Variants in FAM227B observed in about 807,000 individuals in gnomAD.
The protein encoded by FAM227B is family with sequence similarity 227 member B.
FAM227B carries 88 observed loss-of-function variants against 73.8 expected under a neutral mutation model. The ratio of observed to expected loss-of-function variants is 1.19; its 90% CI spans 1.00 to 1.42. The LOEUF is 1.42. FAM227B is among the 40% of genes most tolerant of loss of function. FAM227B has a pLI of 0.00. For missense variants in FAM227B, 632 were observed against 590.9 expected (o/e 1.07, Z -0.72); for synonymous variants, 210 against 190.5 (o/e 1.10, Z -0.84).
intron 11 of FAM227B, chr15:49,487,871 G>C (rs2056534528): frequency 6.6e-6 from 1 of 151,900 alleles, no homozygotes; most frequent in African/African-American, 2.4e-5. Context: ...ATGACTTGCA[G>C]GGCTTATCAT....
At chr15:49,586,853 T>C (rs942074007) in intron 5 of FAM227B, among the ~76,000 whole-genome samples, 2 of 152,084 alleles carry the variant, frequency 1.3e-5, no homozygotes, top group Non-Finnish European at 2.9e-5. Flanking sequence ...TCAGAATAAC[T>C]GTTATTAAAA....
At chr15:49,383,526 T>C (rs2046675634) in intron 11 of FAM227B, among the ~76,000 whole-genome samples, 1 of 152,146 alleles carries the variant, frequency 6.6e-6, no homozygotes, top group South Asian at 2.1e-4. Flanking sequence ...TGTTGCAATA[T>C]TTGTTTTATT....
intron 10 of FAM227B, among the ~76,000 whole-genome samples, chr15:49,536,072 C>CAAAAAAA (rs59203003): frequency 2.6e-3 from 295 of 113,660 alleles, no homozygotes; most frequent in African/African-American, 6.4e-3. Context: ...GGCAATCAGA[C>CAAAAAAA]AAAAAAAAAA....
At chr15:49,497,227 A>T (rs928503807) in intron 11 of FAM227B, among the ~76,000 whole-genome samples, 2 of 152,218 alleles carry the variant, frequency 1.3e-5, no homozygotes, top group Non-Finnish European at 2.9e-5. Context: ...ATTAGAGCAG[A>T]TGAAACATTA....
intron 13 of FAM227B, among the ~76,000 whole-genome samples, chr15:49,337,778 T>G (rs756121641): frequency 1.3e-5 from 2 of 152,122 alleles, no homozygotes; most frequent in African/African-American, 2.4e-5. Context: ...TGTTTGGTTT[T>G]CTGTTCTTGT....
Position 49,328,452 on chromosome 15 carries a change from C to T in FAM227B, c.*116G>A, listed in dbSNP as rs532696312. The T allele has an allele frequency of 2.0e-6, 3 of 1,470,280 alleles. No homozygotes were observed. The highest frequency in any genetic ancestry group is 2.7e-6 in the Non-Finnish European group (3 of 1,111,194). The allele number at this position is 1,470,280 out of a possible 1,614,324, so 91.1% of individuals were successfully genotyped here. On this transcript the variant is annotated 3_prime_UTR_variant, in exon 16 of 16. Transcript: ENST00000299338. ...AAGATTTTAAAGATGAATGGTAAAA[C>T]ACACTCTTAATACTGATTACATGGA...
At chr15:49,577,374 T>C (rs1598344773) in intron 6 of FAM227B, 1 of 418,922 alleles carries the variant, frequency 2.4e-6, no homozygotes, top group East Asian at 4.4e-5. Flanking sequence ...CATTCATATG[T>C]CATATCTAAA....
intron 13 of FAM227B, among the ~76,000 whole-genome samples, chr15:49,341,025 T>C (rs996340333): frequency 5.9e-5 from 9 of 152,236 alleles, no homozygotes; most frequent in African/African-American, 9.6e-5. Context: ...TAGGAAGTCC[T>C]TTCCCCATTG....
chr15:49,544,139 T>G (rs1489992234), intron 9 of FAM227B, among the ~76,000 whole-genome samples: 1 of 152,128 alleles, frequency 6.6e-6, no homozygotes, highest in East Asian at 1.9e-4. Context: ...GGATGTGTTT[T>G]TATTTGTTTG....
chr15:49,527,438 G>A (rs1265821070), intron 10 of FAM227B, among the ~76,000 whole-genome samples: 1 of 151,918 alleles, frequency 6.6e-6, no homozygotes, highest in Non-Finnish European at 1.5e-5. Context: ...CATTCCCCAT[G>A]AGAACCAAAA....
rs964714236 is a variant in FAM227B at position 49,327,873 on chromosome 15, C to A, written c.*695G>T. 7.2e-5 allele frequency: 98 copies of A among 1,354,638 alleles called. No homozygotes were observed. Among genetic ancestry groups the A allele is most frequent in the Non-Finnish European group, 9.9e-5 (97 of 982,420 alleles). 83.9% of individuals were successfully genotyped at this position (1,354,638 alleles called of 1,614,324 possible). On this transcript the variant is annotated 3_prime_UTR_variant, in exon 16 of 16. Transcript: ENST00000299338. ...ATTTTCTTCTTAGAACTTAGATAGG[C>A]TATGTGTTCTACAAACACCAAGCAA... is the stretch of plus-strand genomic sequence containing the variant.
intron 10 of FAM227B, among the ~76,000 whole-genome samples, chr15:49,520,143 A>C (rs1373440762): frequency 6.6e-6 from 1 of 152,190 alleles, no homozygotes; most frequent in Non-Finnish European, 1.5e-5. Flanking sequence ...AGCAAGGAAC[A>C]CTTTTGCTCC....
At chr15:49,513,509 T>C (rs2059161996) in intron 10 of FAM227B, among the ~76,000 whole-genome samples, 2 of 152,218 alleles carry the variant, frequency 1.3e-5, no homozygotes, top group Non-Finnish European at 2.9e-5. Context: ...TAAACCTTTG[T>C]CAGATAGGTA....
chr15:49,611,161 T>C (rs2077887466), intron 3 of FAM227B, 54 bp downstream of exon 3: 1 of 1,079,630 alleles, frequency 9.3e-7, no homozygotes. Flanking sequence ...TAAATCTCCA[T>C]AACTGATATT....
At chr15:49,538,899 CTTAA>C (rs2070655007) in intron 10 of FAM227B, among the ~76,000 whole-genome samples, 2 of 148,686 alleles carry the variant, frequency 1.3e-5, no homozygotes, top group African/African-American at 5.0e-5. Flanking sequence ...ACTTAGTTTC[CTTAA>C]TTATTTTGAA....
At position 49,378,044 on chromosome 15, in the gene FAM227B, G is replaced by C. The variant is rs540433916; in HGVS notation, c.1013-6645C>G. 5.5e-4 allele frequency among the ~76,000 whole-genome samples: 84 copies of C among 152,296 alleles called. 1 individual carries two copies. ...TTTGATTTCATTTTGTCTATGACAA[G>C]AGATAGCGGTGTAGTTTCAGTCTTC... On this transcript the variant is annotated intron_variant, in intron 11 of 15. Coordinates refer to ENST00000299338, the MANE Select transcript of FAM227B (RefSeq NM_152647.3).
chr15:49,393,978 T>G (rs1464165325), intron 11 of FAM227B, among the ~76,000 whole-genome samples: 3 of 152,278 alleles, frequency 2.0e-5, no homozygotes, highest in African/African-American at 7.2e-5. Context: ...TCTTTAAATG[T>G]CAAACAGCAT....
intron 11 of FAM227B, chr15:49,488,099 A>C (rs1328961973): frequency 2.0e-5 from 3 of 151,976 alleles, no homozygotes; most frequent in African/African-American, 7.2e-5. Context: ...GATACATCGA[A>C]ATGGATGCAG....
intron 11 of FAM227B, among the ~76,000 whole-genome samples, chr15:49,464,286 T>A (rs890108036): frequency 1.3e-5 from 2 of 152,186 alleles, no homozygotes; most frequent in African/African-American, 4.8e-5. Context: ...ACCTCTAGTC[T>A]ATCATGTTGA....
Sources: allele counts gnomAD v4.1 joint callset (sites outside exome capture counted in the v4.1 genomes callset), GRCh38; gene constraint gnomAD v4.1.1; transcripts MANE v1.5; gene names NCBI Gene and HGNC (gene_info 2026-07-23, HGNC 2026-07-21).